SKAP2: variants seen among roughly 807,000 people sequenced by gnomAD.
The protein encoded by SKAP2 is src kinase associated phosphoprotein 2, also known as src kinase-associated phosphoprotein 2.
SKAP2 carries 28 observed loss-of-function variants against 54.9 expected under a neutral mutation model. That is an observed-to-expected ratio of 0.51 (90% confidence interval 0.38 to 0.70). The LOEUF (loss-of-function observed/expected upper bound fraction) is 0.70, where lower values mean the gene tolerates loss of function less well. Among genes scored for constraint, SKAP2 ranks in the 30% least tolerant of loss-of-function variants. The pLI, the probability that SKAP2 is intolerant of heterozygous loss-of-function variation, is 0.00. For synonymous variants in SKAP2, 137 were observed against 134.3 expected (o/e 1.02, Z -0.14); for missense variants, 356 against 424.1 (o/e 0.84, Z 1.41).
intron 4 of SKAP2, among the ~76,000 whole-genome samples, chr7:26,834,987 C>T (rs1784675573): frequency 1.3e-5 from 2 of 152,200 alleles, no homozygotes; most frequent in African/African-American, 2.4e-5. Context: ...CATCAAAAAG[C>T]TTATCCACCA....
At chr7:26,786,005 C>G (rs1783536345) in intron 4 of SKAP2, among the ~76,000 whole-genome samples, 1 of 152,122 alleles carries the variant, frequency 6.6e-6, no homozygotes, top group Non-Finnish European at 1.5e-5. Context: ...AAATGAGATG[C>G]AGACATGAGT....
At chr7:26,666,501 G>C (rs1786107529), downstream of SKAP2, among the ~76,000 whole-genome samples, 1 of 152,122 alleles carries the variant, frequency 6.6e-6, no homozygotes, top group South Asian at 2.1e-4. Flanking sequence ...AGAAACAGTT[G>C]AATGGATGCC....
chr7:26,796,481 C>T (rs1039811355), intron 4 of SKAP2, among the ~76,000 whole-genome samples: 4 of 152,200 alleles, frequency 2.6e-5, no homozygotes, highest in Admixed American at 6.5e-5. Flanking sequence ...CACCATGGGA[C>T]CCATACAAAG....
intron 11 of SKAP2, among the ~76,000 whole-genome samples, chr7:26,683,331 T>A (rs1408989396): frequency 6.6e-6 from 1 of 152,178 alleles, no homozygotes; most frequent in Admixed American, 6.5e-5. Flanking sequence ...GATGTGACTA[T>A]CTATAGCGTC....
intron 11 of SKAP2, among the ~76,000 whole-genome samples, chr7:26,673,397 G>A (rs939735894): frequency 2.0e-5 from 3 of 152,016 alleles, no homozygotes; most frequent in Non-Finnish European, 4.4e-5. Flanking sequence ...TTTGTAGGAC[G>A]TGTAATTATT....
intron 4 of SKAP2, among the ~76,000 whole-genome samples, chr7:26,776,286 T>C (rs1783305999): frequency 6.6e-6 from 1 of 152,162 alleles, no homozygotes; most frequent in Non-Finnish European, 1.5e-5. Context: ...CCTCCCAGTG[T>C]AATTTTACCC....
intron 4 of SKAP2, among the ~76,000 whole-genome samples, chr7:26,818,116 A>G (rs992287643): frequency 1.3e-5 from 2 of 152,038 alleles, no homozygotes; most frequent in African/African-American, 4.8e-5. Flanking sequence ...CCAAAAAAGA[A>G]CCCGTATAGC....
intron 9 of SKAP2, among the ~76,000 whole-genome samples, chr7:26,716,946 A>G (rs141863144): frequency 6.6e-6 from 1 of 152,330 alleles, no homozygotes; most frequent in African/African-American, 2.4e-5. Flanking sequence ...AATAATCAAT[A>G]AAGTTACTGA....
intron 4 of SKAP2, among the ~76,000 whole-genome samples, chr7:26,767,384 G>T (rs975927274): frequency 2.0e-5 from 3 of 151,848 alleles, no homozygotes; most frequent in African/African-American, 7.3e-5. Context: ...TCTGGCAAGT[G>T]GTCTGTTTTG....
At chr7:26,737,844 A>G (rs1787975609) in intron 6 of SKAP2, among the ~76,000 whole-genome samples, 2 of 152,226 alleles carry the variant, frequency 1.3e-5, no homozygotes, top group South Asian at 4.1e-4. Flanking sequence ...CAACTGAGAG[A>G]TTTATTAATT....
chr7:26,672,364 A>G (rs1786261058), intron 11 of SKAP2, among the ~76,000 whole-genome samples: 2 of 152,040 alleles, frequency 1.3e-5, no homozygotes, highest in Non-Finnish European at 2.9e-5. Flanking sequence ...ATTCTGTGCT[A>G]TGGTAGAACA....
In SKAP2 at chr7:26,847,348, C is replaced by T. The variant is rs183175784; in HGVS notation, c.200-3211G>A. 4.6e-5 allele frequency among the ~76,000 whole-genome samples: 7 copies of T among 152,148 alleles called. No homozygotes were observed. The East Asian group carries it at 1.4e-3, about 29-fold the overall frequency. On this transcript the variant is annotated intron_variant, in intron 3 of 12. Coordinates refer to ENST00000345317, the MANE Select transcript of SKAP2 (RefSeq NM_003930.5). ...TGATGGTCCATCCCTTTTCCTCCCC[C>T]CTAATTTTTTTTTCGACCCAATAAA...
chr7:26,784,498 C>G (rs1325347235), intron 4 of SKAP2, among the ~76,000 whole-genome samples: 2 of 152,254 alleles, frequency 1.3e-5, no homozygotes, highest in Non-Finnish European at 2.9e-5. Flanking sequence ...ATCCTGCACT[C>G]TAACTCTCCA....
At position 26,725,578 on chromosome 7, in the gene SKAP2, T is replaced by G; in HGVS notation, c.659-13A>C. The G allele has an allele frequency of 6.4e-7, 1 of 1,560,680 alleles. No individual in the cohort carries two copies. The highest frequency in any genetic ancestry group is 2.2e-5 in the East Asian group (1 of 44,450). On this transcript the variant is annotated splice_polypyrimidine_tract_variant and intron_variant, in intron 8 of 12. Transcript: ENST00000345317. ...TCAGATTCCATATCTATAAAACACA[T>G]TTCATGAAGTAAATTTTAAAAGAAT...
At chr7:26,832,633 G>A (rs1056531252) in intron 4 of SKAP2, among the ~76,000 whole-genome samples, 1 of 151,976 alleles carries the variant, frequency 6.6e-6, no homozygotes, top group Non-Finnish European at 1.5e-5. Context: ...GAGCAACACA[G>A]CAAGACCCCA....
At chr7:26,853,909 T>C (rs1263772650) in intron 3 of SKAP2, among the ~76,000 whole-genome samples, 4 of 152,150 alleles carry the variant, frequency 2.6e-5, no homozygotes, top group African/African-American at 9.6e-5. Context: ...GAATGTTAAA[T>C]GCCTAAGATT....
intron 1 of SKAP2, among the ~76,000 whole-genome samples, chr7:26,861,361 TG>T (rs1444023640): frequency 4.6e-5 from 7 of 152,166 alleles, no homozygotes; most frequent in African/African-American, 1.7e-4. Flanking sequence ...AGGCTAAACC[TG>T]TTTTTCCATT....
At chr7:26,660,149 C>T in the SKAP2 span, among the ~76,000 whole-genome samples, 1 of 152,036 alleles carries the variant, frequency 6.6e-6, no homozygotes, top group Non-Finnish European at 1.5e-5. Flanking sequence ...AAATTTATCT[C>T]TATGTGGCTC....
intron 9 of SKAP2, among the ~76,000 whole-genome samples, chr7:26,722,590 G>T (rs1787602088): frequency 1.3e-5 from 2 of 151,396 alleles, no homozygotes; most frequent in African/African-American, 2.4e-5. Flanking sequence ...TTTATTTTTA[G>T]TAGAGACGGG....
Sources: allele counts gnomAD v4.1 joint callset (sites outside exome capture counted in the v4.1 genomes callset), GRCh38; gene constraint gnomAD v4.1.1; transcripts MANE v1.5; gene names NCBI Gene and HGNC (gene_info 2026-07-23, HGNC 2026-07-21).